The following SAMSN1 variants were observed in gnomAD, a reference collection of about 807,000 sequenced individuals.
The protein encoded by SAMSN1 is SAM domain, SH3 domain and nuclear localization signals 1.
SAMSN1 carries 31 observed loss-of-function variants against 42.0 expected under a neutral mutation model. That is an observed-to-expected ratio of 0.74 (90% CI 0.55 to 1.00). The LOEUF (loss-of-function observed/expected upper bound fraction) is 1.00. SAMSN1 is among the 50% of genes least tolerant of loss of function. SAMSN1 has a pLI of 0.00. For missense variants in SAMSN1, 464 were observed against 439.4 expected (o/e 1.06, Z -0.50); for synonymous variants, 178 against 151.9 (o/e 1.17, Z -1.26).
intron 2 of SAMSN1, among the ~76,000 whole-genome samples, chr21:14,556,019 C>T (rs2123187587): frequency 6.6e-6 from 1 of 152,290 alleles, no homozygotes; most frequent in South Asian, 2.1e-4. Flanking sequence ...CCATGATTTC[C>T]TGTCTCTACC....
chr21:14,548,669 G>C (rs1208334541), upstream of SAMSN1, among the ~76,000 whole-genome samples: 1 of 152,020 alleles, frequency 6.6e-6, no homozygotes, highest in Non-Finnish European at 1.5e-5. Flanking sequence ...AGACAGATGT[G>C]ACATTTGAGG....
chr21:14,499,347 G>A (rs900011653), intron 6 of SAMSN1, among the ~76,000 whole-genome samples: 2 of 152,012 alleles, frequency 1.3e-5, no homozygotes, highest in African/African-American at 4.8e-5. Context: ...ATTAAGTGAA[G>A]TTGAGTGCTT....
intron 2 of SAMSN1, among the ~76,000 whole-genome samples, chr21:14,579,408 C>T (rs1342372136): frequency 2.0e-5 from 3 of 152,144 alleles, no homozygotes; most frequent in Non-Finnish European, 4.4e-5. Context: ...CCTACACCTA[C>T]ACACATCCAC....
intron 2 of SAMSN1, among the ~76,000 whole-genome samples, chr21:14,631,317 T>C (rs1358116286): frequency 6.6e-6 from 1 of 152,178 alleles, no homozygotes; most frequent in Non-Finnish European, 1.5e-5. Flanking sequence ...CACCTGATAA[T>C]TAAGAGGTAA....
At chr21:14,557,519 A>G (rs943098832) in intron 2 of SAMSN1, among the ~76,000 whole-genome samples, 2 of 152,190 alleles carry the variant, frequency 1.3e-5, no homozygotes, top group Non-Finnish European at 2.9e-5. Context: ...CAAAGCCTGT[A>G]CACACATCAT....
intron 2 of SAMSN1, among the ~76,000 whole-genome samples, chr21:14,580,496 T>C (rs750340143): frequency 6.6e-6 from 1 of 152,140 alleles, no homozygotes; most frequent in Non-Finnish European, 1.5e-5. Context: ...ACGTCCTAAT[T>C]ATATTACCAG....
At chr21:14,569,427 G>T (rs1365896019) in intron 2 of SAMSN1, among the ~76,000 whole-genome samples, 2 of 151,876 alleles carry the variant, frequency 1.3e-5, no homozygotes, top group Non-Finnish European at 2.9e-5. Context: ...TGCTGTTTTG[G>T]GTTATTTCCC....
chr21:14,525,557 A>T (rs1278923018), intron 1 of SAMSN1, among the ~76,000 whole-genome samples: 3 of 152,244 alleles, frequency 2.0e-5, no homozygotes, highest in African/African-American at 4.8e-5. Context: ...TACCAAAAAC[A>T]TCAAAAGACA....
intron 2 of SAMSN1, among the ~76,000 whole-genome samples, chr21:14,569,815 G>A (rs935489100): frequency 4.6e-5 from 7 of 152,058 alleles, no homozygotes; most frequent in South Asian, 2.1e-4. Context: ...CTGCTCCATA[G>A]AGAGAGCAGT....
chr21:14,515,758 T>C (rs1394175948), intron 3 of SAMSN1, among the ~76,000 whole-genome samples: 1 of 152,016 alleles, frequency 6.6e-6, no homozygotes, highest in African/African-American at 2.4e-5. Flanking sequence ...GATAAAAAAC[T>C]TGCATCCAGA....
At chr21:14,634,345 C>T (rs1983411288) in intron 2 of SAMSN1, among the ~76,000 whole-genome samples, 1 of 151,842 alleles carries the variant, frequency 6.6e-6, no homozygotes, top group Non-Finnish European at 1.5e-5. Context: ...AGCTTCTGCA[C>T]AGAAAAAGAA....
intron 1 of SAMSN1, among the ~76,000 whole-genome samples, chr21:14,542,457 G>A (rs1357595393): frequency 6.6e-6 from 1 of 152,018 alleles, no homozygotes; most frequent in African/African-American, 2.4e-5. Flanking sequence ...CAACTGACAT[G>A]AAAATAAACC....
At chr21:14,531,287 T>C (rs548525820) in intron 1 of SAMSN1, among the ~76,000 whole-genome samples, 3 of 152,238 alleles carry the variant, frequency 2.0e-5, no homozygotes, top group East Asian at 3.9e-4. Flanking sequence ...TTTGTTGTAC[T>C]GTTAATAAGA....
chr21:14,656,441 TA>T (rs1056175254), intron 1 of SAMSN1, among the ~76,000 whole-genome samples: 45 of 151,694 alleles, frequency 3.0e-4, no homozygotes, highest in African/African-American at 1.1e-3. Flanking sequence ...TGTGCAGGAG[TA>T]ATTGATTTGT....
intron 2 of SAMSN1, among the ~76,000 whole-genome samples, chr21:14,637,016 T>G (rs950076409): frequency 2.0e-5 from 3 of 152,224 alleles, no homozygotes; most frequent in Non-Finnish European, 4.4e-5. Context: ...AAGAGGAGAA[T>G]TGATATTATC....
Position 14,509,877 on chromosome 21 carries a change from C to T in SAMSN1, c.561+433G>A, listed in dbSNP as rs111903493. On this transcript the variant is annotated intron_variant, in intron 5 of 7. Coordinates refer to ENST00000400566, the MANE Select transcript of SAMSN1 (RefSeq NM_022136.5). The stretch of plus-strand genomic sequence containing the variant: ...GCACTGGGCCAGGCGTGGTGGCTCA[C>T]GCCTGTAATCCCAGCACTTTGGGAG... 2.7e-3 allele frequency among the ~76,000 whole-genome samples: 412 copies of T among 152,062 alleles called. 1 individual carries two copies. In the Middle Eastern group the frequency reaches 0.041, roughly 15 times the overall value.
intron 2 of SAMSN1, among the ~76,000 whole-genome samples, chr21:14,633,208 CAT>C (rs1212143439): frequency 6.6e-6 from 1 of 152,062 alleles, no homozygotes; most frequent in African/African-American, 2.4e-5. Flanking sequence ...CACACACACA[CAT>C]ACACACACAC....
At chr21:14,606,196 C>T (rs953858045) in intron 5 of SAMSN1, among the ~76,000 whole-genome samples, 1 of 152,132 alleles carries the variant, frequency 6.6e-6, no homozygotes, top group Non-Finnish European at 1.5e-5. Context: ...TAATGTTTCT[C>T]TTATTACTAA....
At chr21:14,507,989 T>C (rs1987491722) in intron 5 of SAMSN1, among the ~76,000 whole-genome samples, 1 of 152,112 alleles carries the variant, frequency 6.6e-6, no homozygotes, top group African/African-American at 2.4e-5. Context: ...GGTGCTAGGA[T>C]AACTGGCTAG....
Sources: gnomAD v4.1 joint callset for allele counts (sites outside exome capture counted in the v4.1 genomes callset) on GRCh38, gnomAD v4.1.1 for gene constraint, MANE v1.5 for transcripts, NCBI Gene and HGNC (gene_info 2026-07-23, HGNC 2026-07-21) for gene names.